The following PDE8B variants were observed in gnomAD, a reference collection of about 807,000 sequenced individuals.
The protein encoded by PDE8B is phosphodiesterase 8B, also known as high affinity cAMP-specific and IBMX-insensitive 3',5'-cyclic phosphodiesterase 8B.
PDE8B carries 26 observed loss-of-function variants against 101.3 expected under a neutral mutation model. That is an observed-to-expected ratio of 0.26 (90% confidence interval 0.19 to 0.36). The LOEUF (loss-of-function observed/expected upper bound fraction) is 0.36. Ranked by LOEUF, PDE8B falls within the 10% of genes least tolerant of loss-of-function variation. PDE8B has a pLI of 1.00. For synonymous variants in PDE8B, 424 were observed against 429.3 expected, an observed-to-expected ratio of 0.99 and a Z score of 0.15; for missense variants, 810 against 1,163.1, an observed-to-expected ratio of 0.70 and a Z score of 4.42.
chr5:77,366,995 G>T (rs1581267960), intron 10 of PDE8B, among the ~76,000 whole-genome samples: 1 of 152,106 alleles, frequency 6.6e-6, no homozygotes, highest in Non-Finnish European at 1.5e-5. Context: ...GACCAAGGGG[G>T]TCCAGGCCCC....
At chr5:77,146,290 A>G in the PDE8B span, 1 of 152,194 alleles carries the variant, frequency 6.6e-6, no homozygotes, top group Non-Finnish European at 1.5e-5. Flanking sequence ...TTGGAGGCCA[A>G]AAGGGTGAAC....
At chr5:77,421,773 C>T (rs749514350) in intron 19 of PDE8B, 48 bp from the exon 20 acceptor site, 1 of 1,591,236 alleles carries the variant, frequency 6.3e-7, no homozygotes, top group East Asian at 2.2e-5. Context: ...CCCTTGTGGG[C>T]TTCACCGTCA....
rs545226943 is a variant in PDE8B at position 77,393,984 on chromosome 5, C to T, written c.1168-6264C>T. Among the ~76,000 whole-genome samples, 10 of 152,302 alleles carry T rather than the reference C, an allele frequency of 6.6e-5. No homozygotes were observed. The South Asian group carries it at 1.7e-3, about 25-fold the overall frequency. On this transcript the variant is annotated intron_variant, in intron 10 of 21. Transcript: ENST00000264917. ...TGGTTATATCTGAAAATACATGATT[C>T]TAGTCAAAGCCTTGGTGAAATAACC...
the PDE8B span, among the ~76,000 whole-genome samples, chr5:77,169,591 C>T: frequency 2.6e-5 from 4 of 152,194 alleles, no homozygotes; most frequent in Admixed American, 6.5e-5. Flanking sequence ...TGCAAATACC[C>T]GAGTTGAAAA....
chr5:77,211,502 G>A lies in PDE8B; in HGVS notation c.339+238G>A, dbSNP rs964287398. Among the ~76,000 whole-genome samples the A allele has an allele frequency of 6.6e-6, 1 of 152,242 alleles. No individual in the cohort carries two copies. Among genetic ancestry groups the A allele is most frequent in the Non-Finnish European group, 1.5e-5 (1 of 68,036 alleles). ...CTTAGCTGGTCCTGGGGGACTGGGC[G>A]GGGAAGGGAGCGCAGAAGGAAGCAG... On this transcript the variant is annotated intron_variant, in intron 1 of 21. Coordinates refer to ENST00000264917, the MANE Select transcript of PDE8B (RefSeq NM_003719.5). This position sits in a 1 kb window ranked among gnomAD's most constrained non-coding sequence, Gnocchi z 4.1.
chr5:77,365,585 C>G (rs1045691769), intron 10 of PDE8B, among the ~76,000 whole-genome samples: 2 of 152,188 alleles, frequency 1.3e-5, no homozygotes, highest in African/African-American at 2.4e-5. Flanking sequence ...TGAATAAATA[C>G]TTGCATCCAG....
intron 1 of PDE8B, chr5:77,290,846 A>C (rs1767147371): frequency 2.6e-6 from 4 of 1,554,742 alleles, no homozygotes; most frequent in Non-Finnish European, 3.6e-6. Context: ...AAGGAGCTCC[A>C]ACCACTTCCC....
intron 20 of PDE8B, among the ~76,000 whole-genome samples, chr5:77,423,631 A>ATTTTTTTT (rs1561699532): frequency 3.8e-5 from 1 of 26,618 alleles, no homozygotes; most frequent in African/African-American, 1.3e-4. Context: ...TGTTTTGTTT[A>ATTTTTTTT]GTTTTTTTTT....
intron 10 of PDE8B, among the ~76,000 whole-genome samples, chr5:77,356,237 T>C (rs1318827034): frequency 2.6e-5 from 4 of 152,180 alleles, no homozygotes; most frequent in African/African-American, 7.2e-5. Context: ...TCTCAGCCCC[T>C]GCATACTGGT....
At chr5:77,156,443 G>A in the PDE8B span, among the ~76,000 whole-genome samples, 2 of 152,286 alleles carry the variant, frequency 1.3e-5, no homozygotes, top group Admixed American at 6.5e-5. Flanking sequence ...GAGAAGGAGA[G>A]CTAGCTGGAG....
chr5:77,426,327 G>T, intron 21 of PDE8B, 118 bp from the exon 22 acceptor site: 1 of 726,228 alleles, frequency 1.4e-6, no homozygotes, highest in Non-Finnish European at 2.5e-6. Flanking sequence ...CTCATGCTTC[G>T]CCCAGGGTGT....
At chr5:77,329,604 T>C (rs1776727196) in intron 4 of PDE8B, among the ~76,000 whole-genome samples, 1 of 152,152 alleles carries the variant, frequency 6.6e-6, no homozygotes, top group African/African-American at 2.4e-5. Context: ...GCAATGAAAC[T>C]GTAGGATGAG....
At chr5:77,120,664 G>C in the PDE8B span, among the ~76,000 whole-genome samples, 673 of 152,318 alleles carry the variant, frequency 4.4e-3, 7 homozygotes, top group African/African-American at 0.015. Context: ...CAACTTCTCT[G>C]TATGCTTGAA....
In PDE8B at chr5:77,299,273, TTTA is replaced by T. The variant is rs140712806; in HGVS notation, c.340-12707_340-12705del. ...TTGTTTGTTTGTTTGTTTGTTTTATTTTATTATTATTATTATACTTTAAGTTTT... is the reference window on the plus strand; with the variant it reads ...TTGTTTGTTTGTTTGTTTGTTTTATTTTATTATTATTATACTTTAAGTTTT... On this transcript the variant is annotated intron_variant, in intron 1 of 21. Coordinates refer to ENST00000264917, the MANE Select transcript of PDE8B (RefSeq NM_003719.5). 5.1e-3 allele frequency among the ~76,000 whole-genome samples: 764 copies of T among 149,734 alleles called. 6 individuals are homozygous for T. The highest frequency in any genetic ancestry group is 0.015 in the African/African-American group (618 of 41,016).
chr5:77,111,358 C>A, the PDE8B span, among the ~76,000 whole-genome samples: 1 of 152,094 alleles, frequency 6.6e-6, no homozygotes, highest in African/African-American at 2.4e-5. Context: ...GCAGAAAAAT[C>A]AGGATGATTT....
chr5:77,199,447 T>C, the PDE8B span, among the ~76,000 whole-genome samples: 2 of 152,238 alleles, frequency 1.3e-5, no homozygotes, highest in Admixed American at 6.5e-5. Flanking sequence ...AACATGTCAC[T>C]TTCACTTTAA....
chr5:77,389,584 T>C (rs1384985768), intron 10 of PDE8B, among the ~76,000 whole-genome samples: 1 of 152,180 alleles, frequency 6.6e-6, no homozygotes, highest in East Asian at 1.9e-4. Context: ...CTTATCCCCA[T>C]CACGATATTA....
intron 1 of PDE8B, among the ~76,000 whole-genome samples, chr5:77,299,475 A>G (rs1210081140): frequency 3.3e-5 from 4 of 122,118 alleles, no homozygotes; most frequent in Non-Finnish European, 6.3e-5. Flanking sequence ...TCCTGTGTCC[A>G]TGTGTTCTTG....
At chr5:77,338,347 C>A (rs2150346886) in intron 6 of PDE8B, among the ~76,000 whole-genome samples, 2 of 152,292 alleles carry the variant, frequency 1.3e-5, no homozygotes, top group South Asian at 4.1e-4. Flanking sequence ...CTGGGGTGCA[C>A]CCTGGTCAGG....
Sources: gnomAD v4.1 joint callset for allele counts (sites outside exome capture counted in the v4.1 genomes callset) on GRCh38, gnomAD v4.1.1 for gene constraint, Gnocchi (gnomAD v3.1) non-coding constraint, MANE v1.5 for transcripts, NCBI Gene and HGNC (gene_info 2026-07-23, HGNC 2026-07-21) for gene names.